GOLGA3: variants seen among roughly 807,000 people sequenced by gnomAD.
GOLGA3 encodes the protein golgin A3, also known as golgin subfamily A member 3.
A neutral mutation model predicts 169.4 loss-of-function variants in GOLGA3; 75 were observed. The observed-to-expected ratio is 0.44, with a 90% CI of 0.37 to 0.54. The LOEUF (loss-of-function observed/expected upper bound fraction) is 0.54. Among genes scored for constraint, GOLGA3 ranks in the 20% least tolerant of loss-of-function variants. GOLGA3 has a pLI of 0.00. For synonymous variants in GOLGA3, 824 were observed against 822.4 expected (o/e 1.00, Z -0.03); for missense variants, 1,899 against 1,930.0 (o/e 0.98, Z 0.30).
chr12:132,782,156 C>G (rs975356891), intron 17 of GOLGA3, 140 bp downstream of exon 17: 7 of 817,816 alleles, frequency 8.6e-6, no homozygotes, highest in Non-Finnish European at 1.5e-5. Context: ...CACCCGGACT[C>G]CTGAGCCTGT....
At chr12:132,790,332 T>C (rs1308697196) in intron 12 of GOLGA3, among the ~76,000 whole-genome samples, 1 of 151,964 alleles carries the variant, frequency 6.6e-6, no homozygotes, top group Non-Finnish European at 1.5e-5. Context: ...AGACTTCATC[T>C]CAAAAATAAA....
At chr12:132,825,184 C>T (rs764699063) in intron 1 of GOLGA3, among the ~76,000 whole-genome samples, 1 of 152,058 alleles carries the variant, frequency 6.6e-6, no homozygotes, top group African/African-American at 2.4e-5. Context: ...TATATGGAAC[C>T]GACCGTGTGT....
Position 132,769,191 on chromosome 12 carries a change from G to A in GOLGA3, c.*3914C>T, listed in dbSNP as rs3741482. On this transcript the variant is annotated 3_prime_UTR_variant, in exon 24 of 24. Coordinates refer to ENST00000450791, the MANE Select transcript of GOLGA3 (RefSeq NM_001389683.1). ...ATGACGAGATTCACCTGGACCTTCC[G>A]GTCAGTGAGCTCAGAACACCTCACA... The A allele has an allele frequency of 3.3e-4, 50 of 152,208 alleles. No individual in the cohort carries two copies. The highest frequency in any genetic ancestry group is 1.1e-3 in the African/African-American group (47 of 41,452). The allele number at this position is 152,208 out of a possible 1,614,324, so 9.4% of individuals were successfully genotyped here. A position where few individuals can be genotyped will look rare whatever the true frequency, so the allele number is the denominator to read the frequency against.
Position 132,778,825 on chromosome 12 carries a change from G to A in GOLGA3, c.3583-1020C>T, listed in dbSNP as rs545561191. 5.3e-5 allele frequency among the ~76,000 whole-genome samples: 8 copies of A among 151,292 alleles called. No individual in the cohort carries two copies. In the East Asian group the frequency reaches 1.4e-3, roughly 26 times the overall value. On this transcript the variant is annotated intron_variant, in intron 18 of 23. Transcript: ENST00000450791. ...CAGGAGAATCACTTGAACCCGGGAG[G>A]CAGAGGTTACAGTGAACCAAGATTA...
At chr12:132,816,932 A>C in intron 2 of GOLGA3, 120 bp from the exon 3 acceptor site, 15 of 939,588 alleles carry the variant, frequency 1.6e-5, no homozygotes, top group East Asian at 2.7e-5. Flanking sequence ...GCACTTTCTC[A>C]TCCCACAAAG....
chr12:132,768,921 C>CA lies in GOLGA3; in HGVS notation c.*4183dup, dbSNP rs1192521037. 1 of 152,472 alleles carries CA rather than the reference C, an allele frequency of 6.6e-6. No homozygotes were observed. The highest frequency in any genetic ancestry group is 2.4e-5 in the African/African-American group (1 of 41,376). 9.4% of individuals were successfully genotyped at this position (152,472 alleles called of 1,614,324 possible). ...TTCCAATGAATATGAAAATCTTTAC[C>CA]AAAAAATAGTTTATTGCACAAAATT... On this transcript the variant is annotated 3_prime_UTR_variant, in exon 24 of 24. Transcript: ENST00000450791.
chr12:132,807,171 C>A lies in GOLGA3; in HGVS notation c.1290+6G>T. 1 of 1,571,598 alleles carries A rather than the reference C, an allele frequency of 6.4e-7. No homozygotes were observed. The highest frequency in any genetic ancestry group is 8.7e-7 in the Non-Finnish European group (1 of 1,147,722). Reference sequence around the variant, plus strand: ...CACGCTGAGATGTCAGTCGAACGTCCGTTACCTGACTCGCCTCCAGTGACA... The same window carrying A: ...CACGCTGAGATGTCAGTCGAACGTCAGTTACCTGACTCGCCTCCAGTGACA... On this transcript the variant is annotated splice_donor_region_variant and intron_variant, in intron 6 of 23. Coordinates refer to ENST00000450791, the MANE Select transcript of GOLGA3 (RefSeq NM_001389683.1).
intron 8 of GOLGA3, among the ~76,000 whole-genome samples, chr12:132,799,741 T>G (rs1383909106): frequency 6.7e-6 from 1 of 149,860 alleles, no homozygotes; most frequent in Non-Finnish European, 1.5e-5. Context: ...TGTTGTTGGT[T>G]TTTTTTTTTT....
chr12:132,811,792 A>G, intron 4 of GOLGA3: 33 of 885,958 alleles, frequency 3.7e-5, no homozygotes, highest in Non-Finnish European at 4.3e-5. Flanking sequence ...ATAACCTTAA[A>G]GGTATAAGAA....
Position 132,813,346 on chromosome 12 carries a change from C to G in GOLGA3, c.480G>C (p.Glu160Asp). The change falls in exon 4 of 24, where the codon GAG becomes GAC. Residue 160 changes from glutamate to aspartate, a missense_variant. Physicochemically the swap from Glu to Asp is conservative, Grantham distance 45 (BLOSUM62 2). Coordinates refer to ENST00000450791, the MANE Select transcript of GOLGA3 (RefSeq NM_001389683.1). ...GCTTCACCCTGTACTGTTTGAGCTG[C>G]TCTTCCAGCCACTTCCGAGCCTGAA... ...VRLQARKWLE[E>D]QLKQYRVKRQ... 1 of 1,613,398 alleles carries G rather than the reference C, an allele frequency of 6.2e-7. No homozygotes were observed. Among genetic ancestry groups the G allele is most frequent in the South Asian group, 1.1e-5 (1 of 91,054 alleles).
At chr12:132,813,710 G>A (rs571712346) in intron 3 of GOLGA3, among the ~76,000 whole-genome samples, 2 of 146,854 alleles carry the variant, frequency 1.4e-5, no homozygotes, top group African/African-American at 5.0e-5. Flanking sequence ...ACAGGAAATG[G>A]CAGCAAGTGC....
chr12:132,784,873 A>AC (rs2045817501), intron 15 of GOLGA3, among the ~76,000 whole-genome samples: 1 of 151,362 alleles, frequency 6.6e-6, no homozygotes, highest in African/African-American at 2.4e-5. Flanking sequence ...CATGCACACA[A>AC]ACACTCCACA....
chr12:132,827,854 G>A (rs1379875918), intron 1 of GOLGA3: 1 of 151,442 alleles, frequency 6.6e-6, no homozygotes, highest in Non-Finnish European at 1.5e-5. Context: ...GATCGCTTGA[G>A]GCCAGGAGTT....
rs113684628 is a variant in GOLGA3, at chr12:132,819,766, G to A, written c.133+2230C>T. ...TAAAAGTTACTGGGTTAGGCCGGGC[G>A]CAGTGGCTCACACCTGTAATCCCAG... is the stretch of plus-strand genomic sequence containing the variant. On this transcript the variant is annotated intron_variant, in intron 2 of 23. Transcript: ENST00000450791. 7.9e-5 allele frequency among the ~76,000 whole-genome samples: 12 copies of A among 152,324 alleles called. No homozygotes were observed. The South Asian group carries it at 8.3e-4, about 11-fold the overall frequency.
At chr12:132,785,722 T>C (rs1303111250) in intron 15 of GOLGA3, among the ~76,000 whole-genome samples, 1 of 152,172 alleles carries the variant, frequency 6.6e-6, no homozygotes, top group Non-Finnish European at 1.5e-5. Context: ...AAATACTAAG[T>C]TGTCAGTGCA....
In GOLGA3 at chr12:132,816,541, C is replaced by G; in HGVS notation, c.405G>C (p.Leu135=). 1.2e-6 allele frequency: 2 copies of G among 1,612,000 alleles called. No individual in the cohort carries two copies. The highest frequency in any genetic ancestry group is 1.7e-6 in the Non-Finnish European group (2 of 1,178,470). The change falls in exon 3 of 24, where the codon CTG becomes CTC. Residue 135 remains leucine (L), a splice_region_variant and synonymous_variant. Transcript: ENST00000450791. ...AAAAGCGGGGTAACGGATGCTTACACAGTTGCGTTTCTTGCATAGGAAGAC... is the reference window on the plus strand; with the variant it reads ...AAAAGCGGGGTAACGGATGCTTACAGAGTTGCGTTTCTTGCATAGGAAGAC... ...RLSLPMQETQ[L]CSTDSPLPLE...
In GOLGA3 at chr12:132,771,218, C is replaced by T. The variant is rs984630359; in HGVS notation, c.*1887G>A. 1 of 152,544 alleles carries T rather than the reference C, an allele frequency of 6.6e-6. No homozygotes were observed. Among genetic ancestry groups the T allele is most frequent in the Admixed American group, 6.5e-5 (1 of 15,268 alleles). The allele number at this position is 152,544 out of a possible 1,614,324, so 9.4% of individuals were successfully genotyped here. On this transcript the variant is annotated 3_prime_UTR_variant, in exon 24 of 24. Transcript: ENST00000450791. ...ATGCTACCTTAACCTTACCAATTAA[C>T]CTTCTAAAAGTATATTACAACAGAA...
At position 132,802,018 on chromosome 12, in the gene GOLGA3, G is replaced by T. The variant is rs373015395; in HGVS notation, c.1598-49C>A. The T allele has an allele frequency of 3.8e-5, 57 of 1,490,326 alleles. No individual in the cohort carries two copies. In the South Asian group the frequency reaches 4.9e-4, roughly 13 times the overall value. 92.3% of individuals were successfully genotyped at this position (1,490,326 alleles called of 1,614,324 possible). On this transcript the variant is annotated intron_variant, in intron 7 of 23. Transcript: ENST00000450791. ...CTCAGGCCAGCGACGGCCAACGGGG[G>T]AGTCCGCAGCTCCGCGCGTGCGGGA...
At chr12:132,824,047 A>G (rs947040211) in intron 1 of GOLGA3, among the ~76,000 whole-genome samples, 1 of 152,156 alleles carries the variant, frequency 6.6e-6, no homozygotes, top group African/African-American at 2.4e-5. Flanking sequence ...GTGCCACTGC[A>G]CTCCAGCCTG....
Sources: gnomAD v4.1 joint callset for allele counts (sites outside exome capture counted in the v4.1 genomes callset) on GRCh38, gnomAD v4.1.1 for gene constraint, MANE v1.5 for transcripts, NCBI Gene and HGNC (gene_info 2026-07-23, HGNC 2026-07-21) for gene names.